The following VAT1L variants were observed in gnomAD, a reference collection of about 807,000 sequenced individuals.
VAT1L encodes vesicle amine transport 1 like.
In VAT1L, 34 loss-of-function variants were observed where a neutral mutation model predicts 44.1. The ratio of observed to expected loss-of-function variants is 0.77; its 90% CI spans 0.59 to 1.03. The LOEUF (loss-of-function observed/expected upper bound fraction) is 1.03, where lower values mean the gene tolerates loss of function less well. Among genes scored for constraint, VAT1L ranks in the 50% least tolerant of loss-of-function variants. The pLI, the probability that VAT1L is intolerant of heterozygous loss-of-function variation, is 0.00. For missense variants in VAT1L, 615 were observed against 538.8 expected (o/e 1.14, Z -1.40); for synonymous variants, 253 against 202.2 (o/e 1.25, Z -2.13).
intron 7 of VAT1L, among the ~76,000 whole-genome samples, chr16:77,946,882 C>G (rs922118714): frequency 2.0e-5 from 3 of 152,160 alleles, no homozygotes; most frequent in Non-Finnish European, 2.9e-5. Flanking sequence ...ACAAGAATGG[C>G]TGAAGTCTGG....
At chr16:77,811,491 A>G (rs1218556500) in intron 1 of VAT1L, among the ~76,000 whole-genome samples, 2 of 152,174 alleles carry the variant, frequency 1.3e-5, no homozygotes, top group South Asian at 2.1e-4. Context: ...AGATCACACA[A>G]TGACAGCCTG....
intron 1 of VAT1L, among the ~76,000 whole-genome samples, chr16:77,791,843 T>C (rs2015841171): frequency 6.6e-6 from 1 of 152,238 alleles, no homozygotes; most frequent in Admixed American, 6.5e-5. Context: ...AGGGTTGGAA[T>C]GATAGCAGAG....
intron 4 of VAT1L, among the ~76,000 whole-genome samples, chr16:77,872,694 C>T (rs2017044997): frequency 6.6e-6 from 1 of 152,212 alleles, no homozygotes; most frequent in South Asian, 2.1e-4. Flanking sequence ...CAACCCTCAA[C>T]AGAGGGTCAT....
chr16:77,788,862 G>C lies in VAT1L; in HGVS notation c.180G>C (p.Arg60Ser), dbSNP rs1285671761. 3.8e-6 allele frequency: 6 copies of C among 1,575,766 alleles called. No homozygotes were observed. In the Admixed American group the frequency reaches 1.1e-4, roughly 29 times the overall value. Residue 60 changes from arginine to serine, a missense_variant, in exon 1 of 9, where the codon AGG becomes AGC. Arg to Ser is a moderately radical substitution (Grantham distance 110). Coordinates refer to ENST00000302536, the MANE Select transcript of VAT1L (RefSeq NM_020927.3). ...GGCTCAACAAGCTGCGGCTCTTCAG[G>C]AAGGCCATGCCCGAGCCTCAGGACG... is the stretch of plus-strand genomic sequence containing the variant. ...FGGLNKLRLF[R>S]KAMPEPQDGE...
At chr16:77,954,348 C>G (rs1368087866) in intron 7 of VAT1L, among the ~76,000 whole-genome samples, 1 of 152,136 alleles carries the variant, frequency 6.6e-6, no homozygotes, top group Non-Finnish European at 1.5e-5. Flanking sequence ...AATGTCAGGC[C>G]GGGCGCGGTG....
chr16:77,862,209 T>C (rs538428597), intron 3 of VAT1L, among the ~76,000 whole-genome samples: 9 of 152,316 alleles, frequency 5.9e-5, no homozygotes, highest in African/African-American at 1.7e-4. Context: ...CTGGATACAT[T>C]TGTGGTTGTC....
At chr16:77,820,964 G>C (rs770065815) in intron 2 of VAT1L, among the ~76,000 whole-genome samples, 1 of 152,182 alleles carries the variant, frequency 6.6e-6, no homozygotes, top group Non-Finnish European at 1.5e-5. Context: ...GCAGACACTG[G>C]TTTTCCCCTT....
At chr16:77,838,415 T>C (rs758879894) in intron 3 of VAT1L, among the ~76,000 whole-genome samples, 3 of 152,184 alleles carry the variant, frequency 2.0e-5, no homozygotes, top group Non-Finnish European at 2.9e-5. Flanking sequence ...TGGCCCCCCA[T>C]CACCCAGGCT....
chr16:77,854,266 C>T (rs2142435935), intron 3 of VAT1L, among the ~76,000 whole-genome samples: 1 of 152,294 alleles, frequency 6.6e-6, no homozygotes, highest in South Asian at 2.1e-4. Flanking sequence ...ATTCTCGGCA[C>T]CTGTGTGTCA....
rs566207333 is a variant in VAT1L at position 77,920,195 on chromosome 16, A to G, written c.1077+35393A>G. The stretch of plus-strand genomic sequence containing the variant: ...GAGCTGCCAAGCATTCACCCATTCA[A>G]ACAGGACCTAGTCAGTCCCTGGAAA... On this transcript the variant is annotated intron_variant, in intron 7 of 8. Transcript: ENST00000302536. Among the ~76,000 whole-genome samples, 100 of 152,370 alleles carry G rather than the reference A, an allele frequency of 6.6e-4. 1 individual carries two copies. The highest frequency in any genetic ancestry group is 2.4e-3 in the African/African-American group (99 of 41,590).
intron 7 of VAT1L, among the ~76,000 whole-genome samples, chr16:77,915,595 T>C (rs1007384137): frequency 1.3e-5 from 2 of 152,086 alleles, no homozygotes; most frequent in African/African-American, 4.8e-5. Context: ...GAGCAAAACC[T>C]TGAAGGAAGT....
chr16:77,979,980 T>C lies in VAT1L; in HGVS notation c.*2285T>C, dbSNP rs1466742954. 2 of 152,654 alleles carry C rather than the reference T, an allele frequency of 1.3e-5. No individual in the cohort carries two copies. The highest frequency in any genetic ancestry group is 3.8e-4 in the East Asian group (2 of 5,198). 9.5% of individuals were successfully genotyped at this position (152,654 alleles called of 1,614,324 possible). On this transcript the variant is annotated 3_prime_UTR_variant, in exon 9 of 9. Coordinates refer to ENST00000302536, the MANE Select transcript of VAT1L (RefSeq NM_020927.3). ...GTGAAGGCTTCTCTGTAATTTAAGC[T>C]TGATAGAAGTGAACTGAAACATTGT...
chr16:77,797,046 G>GCA (rs1296327443), intron 1 of VAT1L, among the ~76,000 whole-genome samples: 1 of 152,076 alleles, frequency 6.6e-6, no homozygotes, highest in African/African-American at 2.4e-5. Flanking sequence ...GGCAGTGGGT[G>GCA]CACTAAAGGC....
At chr16:77,850,963 C>G (rs1249086150) in intron 3 of VAT1L, among the ~76,000 whole-genome samples, 1 of 152,178 alleles carries the variant, frequency 6.6e-6, no homozygotes, top group Non-Finnish European at 1.5e-5. Context: ...GTCCTGTGGC[C>G]ATGCATGGTG....
rs1055713883 is a variant in VAT1L at position 77,789,045 on chromosome 16, G to C, written c.233+130G>C. 9.5e-6 allele frequency: 11 copies of C among 1,161,356 alleles called. No homozygotes were observed. The African/African-American group carries it at 1.5e-4, about 15-fold the overall frequency. 71.9% of individuals were successfully genotyped at this position (1,161,356 alleles called of 1,614,324 possible). On this transcript the variant is annotated intron_variant, in intron 1 of 8. Coordinates refer to ENST00000302536, the MANE Select transcript of VAT1L (RefSeq NM_020927.3). ...GCGCACCCCCTCCGCGCCCTCACCC[G>C]GGTCTCAGAGCCTCCCCGGGCCAAA...
chr16:77,789,786 T>C (rs1353087622), intron 1 of VAT1L, among the ~76,000 whole-genome samples: 1 of 152,072 alleles, frequency 6.6e-6, no homozygotes. Flanking sequence ...CCATTCCCCC[T>C]GGGGGAACTT....
intron 7 of VAT1L, among the ~76,000 whole-genome samples, chr16:77,940,312 G>A (rs2017864179): frequency 6.8e-6 from 1 of 147,394 alleles, no homozygotes; most frequent in Non-Finnish European, 1.5e-5. Context: ...CATGAGCTTA[G>A]TACAAGCCAG....
chr16:77,943,345 T>C (rs1423751244), intron 7 of VAT1L, among the ~76,000 whole-genome samples: 1 of 151,282 alleles, frequency 6.6e-6, no homozygotes, highest in Non-Finnish European at 1.5e-5. Context: ...ATTACAGGCG[T>C]GAACCACCGC....
chr16:77,884,247 A>G lies in VAT1L; in HGVS notation c.883-361A>G, dbSNP rs1034282556. Among the ~76,000 whole-genome samples the G allele has an allele frequency of 1.3e-5, 2 of 152,046 alleles. No individual in the cohort carries two copies. The highest frequency in any genetic ancestry group is 2.4e-5 in the African/African-American group (1 of 41,392). On this transcript the variant is annotated intron_variant, in intron 6 of 8. Coordinates refer to ENST00000302536, the MANE Select transcript of VAT1L (RefSeq NM_020927.3). This position sits in a 1 kb window ranked among gnomAD's most constrained non-coding sequence, Gnocchi z 4.5. ...AAGACCAGCCTGGCCAAGATGGTGA[A>G]ACCCCATCCCTACTAAAAATACAAA...
Sources: gnomAD v4.1 joint callset for allele counts (sites outside exome capture counted in the v4.1 genomes callset) on GRCh38, gnomAD v4.1.1 for gene constraint, Gnocchi (gnomAD v3.1) non-coding constraint, MANE v1.5 for transcripts, NCBI Gene and HGNC (gene_info 2026-07-23, HGNC 2026-07-21) for gene names.